Variants in RERE observed in about 807,000 individuals in gnomAD.
RERE encodes arginine-glutamic acid dipeptide repeats, also known as arginine-glutamic acid dipeptide repeats protein.
A neutral mutation model predicts 146.1 loss-of-function variants in RERE; 40 were observed. That is an observed-to-expected ratio of 0.27 (90% confidence interval 0.21 to 0.36). The LOEUF (loss-of-function observed/expected upper bound fraction) is 0.36. Ranked by LOEUF, RERE falls within the 10% of genes least tolerant of loss-of-function variation. RERE has a pLI of 1.00. For missense variants in RERE, 1,933 were observed against 2,138.7 expected, an observed-to-expected ratio of 0.90 and a Z score of 1.90; for synonymous variants, 1,003 against 866.0, an observed-to-expected ratio of 1.16 and a Z score of -2.78.
intron 6 of RERE, among the ~76,000 whole-genome samples, chr1:8,542,924 C>T (rs1020488385): frequency 6.6e-6 from 1 of 152,226 alleles, no homozygotes; most frequent in Admixed American, 6.5e-5. Flanking sequence ...GAAAGTATTC[C>T]AGGGTTACTG....
intron 1 of RERE, among the ~76,000 whole-genome samples, chr1:8,741,922 A>G (rs1251377950): frequency 6.6e-6 from 1 of 152,238 alleles, no homozygotes; most frequent in Non-Finnish European, 1.5e-5. Flanking sequence ...CCTTTGTCTC[A>G]TGCCTAACAA....
At chr1:8,476,395 G>A (rs74049672) in intron 10 of RERE, among the ~76,000 whole-genome samples, 4,301 of 152,216 alleles carry the variant, frequency 0.028, 176 homozygotes, top group African/African-American at 0.097. Context: ...CAATGGGTAC[G>A]GGGACTTTTT....
At chr1:8,621,319 T>C (rs1217645646) in intron 3 of RERE, among the ~76,000 whole-genome samples, 1 of 152,146 alleles carries the variant, frequency 6.6e-6, no homozygotes, top group African/African-American at 2.4e-5. Flanking sequence ...ACCCTTCTCC[T>C]TATCTCATAA....
At chr1:8,608,615 A>G (rs917763359) in intron 4 of RERE, among the ~76,000 whole-genome samples, 2 of 152,260 alleles carry the variant, frequency 1.3e-5, no homozygotes, top group Admixed American at 1.3e-4. Context: ...TGAAAGAACA[A>G]GAAGCTCAAT....
intron 8 of RERE, among the ~76,000 whole-genome samples, chr1:8,501,622 T>G (rs1470949786): frequency 6.1e-4 from 47 of 77,496 alleles, no homozygotes; most frequent in Non-Finnish European, 6.3e-4. Context: ...AGGTGGGGGG[T>G]CAGCCCCCCG....
intron 11 of RERE, among the ~76,000 whole-genome samples, chr1:8,444,357 T>C (rs1260850182): frequency 2.0e-5 from 3 of 152,236 alleles, no homozygotes; most frequent in Non-Finnish European, 4.4e-5. Flanking sequence ...CCAATGCCTA[T>C]ACCCGCATTG....
intron 8 of RERE, among the ~76,000 whole-genome samples, chr1:8,505,470 G>A (rs1209216300): frequency 6.6e-6 from 1 of 152,146 alleles, no homozygotes; most frequent in Non-Finnish European, 1.5e-5. Context: ...GCTGAGTAAT[G>A]AAGAGAAGGA....
chr1:8,360,040 C>G, intron 18 of RERE, 54 bp from the exon 19 acceptor site: 1 of 1,592,406 alleles, frequency 6.3e-7, no homozygotes, highest in Non-Finnish European at 8.6e-7. Flanking sequence ...CACCCCGGCC[C>G]TCCCTCCCAC....
intron 7 of RERE, among the ~76,000 whole-genome samples, chr1:8,509,948 G>A (rs1645310988): frequency 6.6e-6 from 1 of 152,222 alleles, no homozygotes; most frequent in Non-Finnish European, 1.5e-5. Flanking sequence ...TAGGGCACCT[G>A]GGCCCAGTAC....
intron 2 of RERE, among the ~76,000 whole-genome samples, chr1:8,649,754 A>G (rs1198261647): frequency 6.6e-6 from 1 of 151,794 alleles, no homozygotes; most frequent in East Asian, 1.9e-4. Context: ...AAATGTATAT[A>G]TATTATGGAA....
At chr1:8,385,997 T>A (rs12743671) in intron 12 of RERE, among the ~76,000 whole-genome samples, 1,797 of 24,214 alleles carry the variant, frequency 0.074, 36 homozygotes, top group East Asian at 0.11. Flanking sequence ...AAAAAAAATA[T>A]ATATATATAT....
At position 8,423,740 on chromosome 1, in the gene RERE, C is replaced by A. The variant is rs1397809040; in HGVS notation, c.1204-933G>T. On this transcript the variant is annotated intron_variant, in intron 11 of 22. Coordinates refer to ENST00000400908, the MANE Select transcript of RERE (RefSeq NM_001042681.2). This position sits in a 1 kb window ranked among gnomAD's most constrained non-coding sequence, Gnocchi z 5.4. ...CGGCGGGGCCGCGCGGCGCGGGGCC[C>A]GGGGGGCGCGGGGCTGGGGCCGCCG... 3.1e-6 allele frequency: 3 copies of A among 964,382 alleles called. No homozygotes were observed. The East Asian group carries it at 3.5e-4, about 112-fold the overall frequency. 59.7% of individuals were successfully genotyped at this position (964,382 alleles called of 1,614,324 possible).
chr1:8,381,729 A>C (rs977162460), intron 12 of RERE, among the ~76,000 whole-genome samples: 1 of 152,196 alleles, frequency 6.6e-6, no homozygotes, highest in Admixed American at 6.5e-5. Flanking sequence ...GGGACGCGCC[A>C]GTGTGAAATG....
At chr1:8,389,600 C>CA (rs1217703456) in intron 12 of RERE, among the ~76,000 whole-genome samples, 1 of 152,042 alleles carries the variant, frequency 6.6e-6, no homozygotes, top group Admixed American at 6.5e-5. Context: ...CACATGCTAA[C>CA]AAAAAACCAT....
At chr1:8,375,691 C>A (rs1642218408) in intron 12 of RERE, among the ~76,000 whole-genome samples, 1 of 129,766 alleles carries the variant, frequency 7.7e-6, no homozygotes, top group African/African-American at 2.9e-5. Context: ...TTTCCTCACT[C>A]AGCAGCCACT....
chr1:8,484,350 A>G (rs1273332368), intron 10 of RERE, among the ~76,000 whole-genome samples: 4 of 152,222 alleles, frequency 2.6e-5, no homozygotes, highest in Non-Finnish European at 4.4e-5. Context: ...TTTCCACACA[A>G]GATCTTTCTG....
At chr1:8,503,898 T>TA (rs1174792384) in intron 8 of RERE, among the ~76,000 whole-genome samples, 1 of 152,228 alleles carries the variant, frequency 6.6e-6, no homozygotes, top group African/African-American at 2.4e-5. Flanking sequence ...TGGGCTGTTA[T>TA]ATGTGTATTA....
intron 1 of RERE, among the ~76,000 whole-genome samples, chr1:8,743,426 A>ATTT (rs35763675): frequency 2.4e-5 from 3 of 122,966 alleles, no homozygotes; most frequent in Admixed American, 8.3e-5. Context: ...CTACAGGCTA[A>ATTT]TTTTTTTTTT....
intron 11 of RERE, among the ~76,000 whole-genome samples, chr1:8,447,813 GA>G (rs1394507453): frequency 2.0e-5 from 3 of 152,204 alleles, no homozygotes; most frequent in Non-Finnish European, 4.4e-5. Context: ...CCCACCTCCA[GA>G]TCCAACTCGA....
Sources: gnomAD v4.1 joint callset for allele counts (sites outside exome capture counted in the v4.1 genomes callset) on GRCh38, gnomAD v4.1.1 for gene constraint, Gnocchi (gnomAD v3.1) non-coding constraint, MANE v1.5 for transcripts, NCBI Gene and HGNC (gene_info 2026-07-23, HGNC 2026-07-21) for gene names.